GFPT2: variants seen among roughly 807,000 people sequenced by gnomAD.
The protein encoded by GFPT2 is glutamine--fructose-6-phosphate transaminase 2, also known as glutamine--fructose-6-phosphate aminotransferase [isomerizing] 2.
In GFPT2, 62 loss-of-function variants were observed where a neutral mutation model predicts 85.6. That is an observed-to-expected ratio of 0.72 (90% CI 0.59 to 0.90). The LOEUF is 0.90. GFPT2 is among the 40% of genes least tolerant of loss of function. The pLI is 0.00. For synonymous variants in GFPT2, 368 were observed against 344.5 expected (o/e 1.07, Z -0.75); for missense variants, 788 against 893.4 (o/e 0.88, Z 1.50).
At chr5:180,317,745 C>T (rs1220213542) in intron 10 of GFPT2, among the ~76,000 whole-genome samples, 7 of 70,646 alleles carry the variant, frequency 9.9e-5, no homozygotes, top group Non-Finnish European at 1.8e-4. Context: ...GGCGACAGAG[C>T]AAGACTCCGT....
At chr5:180,325,418 T>G (rs1326591906) in intron 7 of GFPT2, among the ~76,000 whole-genome samples, 1 of 152,236 alleles carries the variant, frequency 6.6e-6, no homozygotes, top group Admixed American at 6.5e-5. Flanking sequence ...TTCTCTACTT[T>G]GTAGGTGACA....
At chr5:180,302,225 T>G (rs1413358195) in intron 18 of GFPT2, among the ~76,000 whole-genome samples, 198 bp downstream of exon 18, 1 of 150,506 alleles carries the variant, frequency 6.6e-6, no homozygotes, top group East Asian at 2.0e-4. Context: ...AGGTGGAGCT[T>G]GCAGTGAGCC....
intron 4 of GFPT2, among the ~76,000 whole-genome samples, chr5:180,333,354 C>T (rs1444064352): frequency 1.3e-5 from 2 of 152,156 alleles, no homozygotes; most frequent in Admixed American, 1.3e-4. Context: ...CCTGCCTCCG[C>T]CTCCCGAGTA....
At chr5:180,308,333 A>G (rs1763818387) in intron 15 of GFPT2, among the ~76,000 whole-genome samples, 1 of 152,158 alleles carries the variant, frequency 6.6e-6, no homozygotes, top group Non-Finnish European at 1.5e-5. Flanking sequence ...AAATAACAAC[A>G]CTAAATCTAT....
chr5:180,311,635 G>T (rs1415201495), intron 15 of GFPT2, among the ~76,000 whole-genome samples: 1 of 152,154 alleles, frequency 6.6e-6, no homozygotes, highest in Non-Finnish European at 1.5e-5. Flanking sequence ...GCTGTCCAGT[G>T]GCAGCTCTGG....
At chr5:180,337,017 A>T (rs1368708456) in intron 2 of GFPT2, among the ~76,000 whole-genome samples, 2 of 152,240 alleles carry the variant, frequency 1.3e-5, no homozygotes, top group Non-Finnish European at 2.9e-5. Flanking sequence ...ATTTAAAACC[A>T]TCGGGCTCCC....
intron 1 of GFPT2, among the ~76,000 whole-genome samples, chr5:180,348,888 C>T (rs147878541): frequency 0.14 from 20,899 of 151,506 alleles, 1,826 homozygotes; most frequent in Non-Finnish European, 0.19. Context: ...ACTACAGGTG[C>T]GTGCCACCAC....
intron 9 of GFPT2, among the ~76,000 whole-genome samples, chr5:180,319,588 T>C (rs1327171044): frequency 1.3e-5 from 2 of 152,194 alleles, no homozygotes; most frequent in Non-Finnish European, 2.9e-5. Flanking sequence ...GGACCATTCA[T>C]GGCTGTTGAA....
intron 10 of GFPT2, among the ~76,000 whole-genome samples, chr5:180,317,663 G>A (rs1374618270): frequency 7.4e-6 from 1 of 135,410 alleles, no homozygotes; most frequent in Non-Finnish European, 1.5e-5. Context: ...GGAGGCTGAG[G>A]CAGGAGAATG....
chr5:180,335,200 C>T (rs1454016042), intron 4 of GFPT2, among the ~76,000 whole-genome samples: 1 of 152,216 alleles, frequency 6.6e-6, no homozygotes, highest in Non-Finnish European at 1.5e-5. Context: ...GACTTTTATG[C>T]ACAGTGGTTC....
At chr5:180,307,126 T>C (rs1274118049) in intron 16 of GFPT2, 50 bp downstream of exon 16, 1 of 1,453,542 alleles carries the variant, frequency 6.9e-7, no homozygotes, top group South Asian at 1.2e-5. Flanking sequence ...CTCCTCAGGG[T>C]CTCCTGTGCC....
intron 14 of GFPT2, among the ~76,000 whole-genome samples, chr5:180,312,777 T>C (rs1763918485): frequency 6.6e-6 from 1 of 152,022 alleles, no homozygotes; most frequent in Admixed American, 6.6e-5. Context: ...TCTATTTATT[T>C]ATTTCTATTT....
chr5:180,335,340 C>T (rs1291435026), intron 4 of GFPT2, among the ~76,000 whole-genome samples: 1 of 152,222 alleles, frequency 6.6e-6, no homozygotes, highest in African/African-American at 2.4e-5. Context: ...CCGCTGGGGC[C>T]CACGGTGTGT....
intron 2 of GFPT2, 114 bp from the exon 3 acceptor site, chr5:180,336,691 T>C: frequency 1.3e-6 from 1 of 761,496 alleles, no homozygotes; most frequent in South Asian, 1.4e-5. Flanking sequence ...TTATGGCAGG[T>C]TGGAGAGCTG....
At chr5:180,308,610 C>T (rs752484600) in intron 15 of GFPT2, among the ~76,000 whole-genome samples, 4 of 152,152 alleles carry the variant, frequency 2.6e-5, no homozygotes, top group Admixed American at 6.5e-5. Flanking sequence ...CACAGTACAT[C>T]AAACTTGAGA....
rs1407809782 is a variant in GFPT2 at position 180,323,951 on chromosome 5, CTG to C, written c.794+235_794+236del. 5.9e-5 allele frequency among the ~76,000 whole-genome samples: 9 copies of C among 152,362 alleles called. No individual in the cohort carries two copies. In the East Asian group the frequency reaches 1.7e-3, roughly 29 times the overall value. The stretch of plus-strand genomic sequence containing the variant: ...ATTCATTTTGTGCAGGCTCGAAGCA[CTG>C]TGCCCACCAGTGCATCTGGCCTTTG... On this transcript the variant is annotated intron_variant, in intron 9 of 18. Coordinates refer to ENST00000253778, the MANE Select transcript of GFPT2 (RefSeq NM_005110.4). The surrounding 1 kb of genome is among the most constrained non-coding windows in gnomAD (Gnocchi z 4.0).
At chr5:180,319,495 C>T (rs1288856863) in intron 9 of GFPT2, among the ~76,000 whole-genome samples, 3 of 152,150 alleles carry the variant, frequency 2.0e-5, no homozygotes, top group African/African-American at 7.2e-5. Context: ...AGGCAAGTTT[C>T]TCTAAGAAGT....
chr5:180,324,338 C>T (rs1272775459), intron 8 of GFPT2, 33 bp from the exon 9 acceptor site: 17 of 1,203,040 alleles, frequency 1.4e-5, no homozygotes, highest in Non-Finnish European at 2.0e-5. Context: ...GCAAATCCCA[C>T]TGGGATGTTT....
In GFPT2 at chr5:180,335,809, G is replaced by A. The variant is rs187074282; in HGVS notation, c.340+19C>T. The A allele has an allele frequency of 1.1e-3, 1,730 of 1,600,710 alleles. 3 individuals carry two copies. The highest frequency in any genetic ancestry group is 1.6e-3 in the Middle Eastern group (9 of 5,550). On this transcript the variant is annotated intron_variant, in intron 4 of 18. Transcript: ENST00000253778. ...CAGGGTGAGGTGGAACCATGGGGACGGGGAAGCATGCCACATACCGTTGCC... is the reference window on the plus strand; with the variant it reads ...CAGGGTGAGGTGGAACCATGGGGACAGGGAAGCATGCCACATACCGTTGCC...
Sources: allele counts gnomAD v4.1 joint callset (sites outside exome capture counted in the v4.1 genomes callset), GRCh38; gene constraint gnomAD v4.1.1; non-coding constraint Gnocchi (gnomAD v3.1); transcripts MANE v1.5; gene names NCBI Gene and HGNC (gene_info 2026-07-23, HGNC 2026-07-21).